The following TCTN3 variants were observed in gnomAD, a reference collection of about 807,000 sequenced individuals.
TCTN3 encodes the protein tectonic-3.
TCTN3 carries 57 observed loss-of-function variants against 71.3 expected under a neutral mutation model. The observed-to-expected ratio is 0.80, with a 90% confidence interval of 0.65 to 1.00. The LOEUF (loss-of-function observed/expected upper bound fraction) is 1.00. TCTN3 is among the 50% of genes least tolerant of loss of function. TCTN3 has a pLI of 0.00. For missense variants in TCTN3, 696 were observed against 719.9 expected (o/e 0.97, Z 0.38); for synonymous variants, 258 against 267.8 (o/e 0.96, Z 0.36).
chr10:95,672,684 T>A (rs996373852), intron 13 of TCTN3, among the ~76,000 whole-genome samples: 1 of 143,270 alleles, frequency 7.0e-6, no homozygotes, highest in Admixed American at 7.0e-5. Flanking sequence ...TCTGTTCAAA[T>A]CTTTTTTTTT....
Position 95,687,597 on chromosome 10 carries a change from A to G in TCTN3, c.622T>C (p.Tyr208His). 1 of 1,613,352 alleles carries G rather than the reference A, an allele frequency of 6.2e-7. No homozygotes were observed. The highest frequency in any genetic ancestry group is 8.5e-7 in the Non-Finnish European group (1 of 1,179,846). ...TFQTQSPPSFYRAGDPILTYF... is the reference protein window; with the variant it reads ...TFQTQSPPSFHRAGDPILTYF... Reference sequence around the variant, plus strand: ...ATCCCCTTCCCCAGGCTCACCCTGTAAAAAGATGGTGGTGATTGAGTTTGG... The same window carrying G: ...ATCCCCTTCCCCAGGCTCACCCTGTGAAAAGATGGTGGTGATTGAGTTTGG... Residue 208 changes from tyrosine (Y) to histidine (H), a missense_variant, in exon 4 of 14, where the codon TAC becomes CAC. By Grantham distance (83) the Tyr-to-His change is moderately conservative (BLOSUM62 2). Coordinates refer to ENST00000371217, the MANE Select transcript of TCTN3 (RefSeq NM_015631.6).
intron 3 of TCTN3, 99 bp downstream of exon 3, chr10:95,692,821 T>C: frequency 1.2e-6 from 1 of 854,414 alleles, no homozygotes; most frequent in South Asian, 1.4e-5. Flanking sequence ...GTATTTTACG[T>C]GTGGCCCAAG....
chr10:95,680,369 T>A (rs1474717531), intron 13 of TCTN3, 103 bp downstream of exon 13: 1 of 1,399,086 alleles, frequency 7.1e-7, no homozygotes, highest in East Asian at 2.5e-5. Context: ...GTTGCTAACA[T>A]AAATTAGCTC....
intron 13 of TCTN3, among the ~76,000 whole-genome samples, chr10:95,676,712 T>C (rs2097937542): frequency 1.3e-5 from 2 of 152,206 alleles, no homozygotes; most frequent in Non-Finnish European, 2.9e-5. Context: ...GCTTTTCTCT[T>C]TTCTGTTTTG....
At chr10:95,689,067 G>C (rs564641567) in intron 3 of TCTN3, among the ~76,000 whole-genome samples, 1 of 152,090 alleles carries the variant, frequency 6.6e-6, no homozygotes, top group African/African-American at 2.4e-5. Context: ...TGTGATAATG[G>C]ATAACATCTT....
chr10:95,668,255 CAAAA>C (rs374400684), intron 13 of TCTN3, among the ~76,000 whole-genome samples: 3,124 of 120,116 alleles, frequency 0.026, 57 homozygotes, highest in Non-Finnish European at 0.036. Flanking sequence ...ATAGGAGTGC[CAAAA>C]AAAAAAAAAA....
intron 9 of TCTN3, 40 bp from the exon 10 acceptor site, chr10:95,683,669 C>T (rs1434279926): frequency 6.4e-7 from 1 of 1,554,936 alleles, no homozygotes; most frequent in East Asian, 2.3e-5. Context: ...TGGAGATAAG[C>T]ATACTTTCCC....
chr10:95,681,308 T>C (rs2097942774), intron 12 of TCTN3, among the ~76,000 whole-genome samples: 1 of 151,718 alleles, frequency 6.6e-6, no homozygotes, highest in East Asian at 1.9e-4. Flanking sequence ...ACTCCTGATC[T>C]CAAGTGATCT....
chr10:95,673,530 C>T (rs2097933774), intron 13 of TCTN3, among the ~76,000 whole-genome samples: 2 of 151,808 alleles, frequency 1.3e-5, no homozygotes, highest in African/African-American at 2.4e-5. Flanking sequence ...TTCAGCAGCA[C>T]CAATTGTTAA....
rs1399269953 is a variant in TCTN3, at chr10:95,693,889, G to T, written c.11C>A (p.Pro4Gln). 1.3e-6 allele frequency: 2 copies of T among 1,551,654 alleles called. No individual in the cohort carries two copies. The highest frequency in any genetic ancestry group is 4.9e-5 in the East Asian group (2 of 40,924). Reference protein sequence around the residue: MRTPQLALLQVFFL... With the variant: MRTQQLALLQVFFL... ...GAACACTTGCAGGAGCGCGAGCTGTGGGGTGCGCATGGGGCATTCAGGGCC... is the reference window on the plus strand; with the variant it reads ...GAACACTTGCAGGAGCGCGAGCTGTTGGGTGCGCATGGGGCATTCAGGGCC... The change falls in exon 1 of 14, where the codon CCA (proline) becomes CAA (glutamine). Residue 4 changes from proline (P) to glutamine (Q), a missense_variant. Pro to Gln is a moderately conservative substitution (Grantham distance 76, BLOSUM62 -1). Transcript: ENST00000371217.
rs759096352 is a variant in TCTN3 at position 95,693,057 on chromosome 10, G to C, written c.381-19C>G. ...TGAAGACCTGTGAGGAAAGAGGAGG[G>C]AGAAGATATATTTAGAAGGGGCGGG... On this transcript the variant is annotated intron_variant, in intron 2 of 13. Coordinates refer to ENST00000371217, the MANE Select transcript of TCTN3 (RefSeq NM_015631.6). 24 of 1,575,294 alleles carry C rather than the reference G, an allele frequency of 1.5e-5. No homozygotes were observed. Among genetic ancestry groups the C allele is most frequent in the Non-Finnish European group, 5.2e-6 (6 of 1,150,088 alleles).
intron 12 of TCTN3, 45 bp downstream of exon 12, chr10:95,682,606 G>T: frequency 6.3e-7 from 1 of 1,581,226 alleles, no homozygotes; most frequent in Non-Finnish European, 8.6e-7. Flanking sequence ...GATTTACAAA[G>T]GGGTAAAAAT....
At chr10:95,679,710 G>T (rs1384158748) in intron 13 of TCTN3, among the ~76,000 whole-genome samples, 1 of 146,836 alleles carries the variant, frequency 6.8e-6, no homozygotes, top group Non-Finnish European at 1.5e-5. Flanking sequence ...TCCTGCCTCA[G>T]CCTCCCAAGT....
chr10:95,669,588 T>C (rs904454776), intron 13 of TCTN3, among the ~76,000 whole-genome samples: 1 of 152,188 alleles, frequency 6.6e-6, no homozygotes, highest in Non-Finnish European at 1.5e-5. Context: ...AGACCTTCCA[T>C]GGATGATGTC....
At chr10:95,677,483 G>GTTTTTTTTTTTTTTTTT (rs1223582407) in intron 13 of TCTN3, among the ~76,000 whole-genome samples, 1 of 61,986 alleles carries the variant, frequency 1.6e-5, no homozygotes, top group Non-Finnish European at 3.5e-5. Context: ...AGTTTTTTTT[G>GTTTTTTTTTTTTTTTTT]TTTTTTTTTT....
chr10:95,688,415 A>AAAAAAAAAG (rs2097950679), intron 3 of TCTN3, among the ~76,000 whole-genome samples: 3 of 124,038 alleles, frequency 2.4e-5, no homozygotes, highest in African/African-American at 9.3e-5. Flanking sequence ...AAAAAAAAAA[A>AAAAAAAAAG]AAAGAAAAAA....
At chr10:95,687,783 T>A in intron 3 of TCTN3, 64 bp from the exon 4 acceptor site, 1 of 1,554,350 alleles carries the variant, frequency 6.4e-7, no homozygotes, top group Non-Finnish European at 8.7e-7. Flanking sequence ...TAACTAATTT[T>A]AAAAAATATT....
intron 13 of TCTN3, among the ~76,000 whole-genome samples, chr10:95,676,866 A>T (rs1207931158): frequency 6.6e-6 from 1 of 152,174 alleles, no homozygotes; most frequent in Non-Finnish European, 1.5e-5. Flanking sequence ...TACTTTAATG[A>T]TCTCACTTAA....
At chr10:95,681,907 A>G (rs2097943333) in intron 12 of TCTN3, among the ~76,000 whole-genome samples, 1 of 152,202 alleles carries the variant, frequency 6.6e-6, no homozygotes. Context: ...TGAAATAACT[A>G]CTTCAGGCTG....
Sources: gnomAD v4.1 joint callset for allele counts (sites outside exome capture counted in the v4.1 genomes callset) on GRCh38, gnomAD v4.1.1 for gene constraint, MANE v1.5 for transcripts, NCBI Gene and HGNC (gene_info 2026-07-23, HGNC 2026-07-21) for gene names.